The following ANO10 variants were observed in gnomAD, a reference collection of about 807,000 sequenced individuals.
ANO10 encodes anoctamin-10.
In ANO10, 77 loss-of-function variants were observed where a neutral mutation model predicts 74.7. The ratio of observed to expected loss-of-function variants is 1.03; its 90% confidence interval spans 0.86 to 1.25. ANO10 has a LOEUF of 1.25. ANO10 is among the 50% of genes most tolerant of loss of function. The pLI is 0.00. For missense variants in ANO10, 721 were observed against 778.1 expected (o/e 0.93, Z 0.87); for synonymous variants, 279 against 284.9 (o/e 0.98, Z 0.21).
chr3:43,556,233 C>T (rs1333629987), intron 9 of ANO10, among the ~76,000 whole-genome samples: 1 of 152,086 alleles, frequency 6.6e-6, no homozygotes, highest in Non-Finnish European at 1.5e-5. Context: ...CCATTTTTAC[C>T]ACATTCAGTC....
intron 9 of ANO10, among the ~76,000 whole-genome samples, chr3:43,560,270 A>G (rs536670467): frequency 6.6e-6 from 1 of 152,336 alleles, no homozygotes; most frequent in South Asian, 2.1e-4. Context: ...TCTGGGCTAC[A>G]AACACCTGGT....
At chr3:43,666,587 C>T (rs576852326) in intron 1 of ANO10, among the ~76,000 whole-genome samples, 15 of 152,224 alleles carry the variant, frequency 9.9e-5, no homozygotes, top group African/African-American at 3.6e-4. Context: ...ATCTATCAAT[C>T]AATCATAGAT....
At chr3:43,374,481 C>T (rs764001285) in intron 12 of ANO10, among the ~76,000 whole-genome samples, 5 of 152,182 alleles carry the variant, frequency 3.3e-5, no homozygotes, top group Non-Finnish European at 5.9e-5. Context: ...GAGCCCAGGC[C>T]GTCTGGCTCC....
intron 12 of ANO10, among the ~76,000 whole-genome samples, chr3:43,430,619 C>T (rs2092966447): frequency 6.6e-6 from 1 of 152,058 alleles, no homozygotes; most frequent in Non-Finnish European, 1.5e-5. Context: ...CATTTATGGA[C>T]TCAATGCTCT....
At chr3:43,371,161 C>A (rs570970447) in intron 12 of ANO10, among the ~76,000 whole-genome samples, 1 of 152,140 alleles carries the variant, frequency 6.6e-6, no homozygotes, top group Non-Finnish European at 1.5e-5. Context: ...CCCCTTCTCA[C>A]CCCTGCCCCC....
chr3:43,476,434 A>G (rs1037150890), intron 11 of ANO10, among the ~76,000 whole-genome samples: 3 of 152,088 alleles, frequency 2.0e-5, no homozygotes, highest in African/African-American at 2.4e-5. Context: ...CATTTGTTAA[A>G]TTCATTTCTC....
intron 1 of ANO10, among the ~76,000 whole-genome samples, chr3:43,681,094 T>C (rs1222469389): frequency 6.6e-6 from 1 of 152,108 alleles, no homozygotes; most frequent in Non-Finnish European, 1.5e-5. Flanking sequence ...ACCTTAAATG[T>C]AAATGGGCTA....
At chr3:43,448,180 T>C (rs2093276769) in intron 11 of ANO10, among the ~76,000 whole-genome samples, 1 of 152,136 alleles carries the variant, frequency 6.6e-6, no homozygotes, top group South Asian at 2.1e-4. Context: ...TCCGGAAGCA[T>C]GAAAAATAAA....
At chr3:43,589,175 C>G (rs1440269961) in intron 4 of ANO10, among the ~76,000 whole-genome samples, 1 of 151,864 alleles carries the variant, frequency 6.6e-6, no homozygotes, top group Admixed American at 6.6e-5. Flanking sequence ...ATTAGGAATT[C>G]TATTAACATC....
chr3:43,374,149 A>G (rs1458708823), intron 12 of ANO10, among the ~76,000 whole-genome samples: 1 of 152,100 alleles, frequency 6.6e-6, no homozygotes, highest in Non-Finnish European at 1.5e-5. Flanking sequence ...TATGCTTCCT[A>G]GGGTTCCCTG....
intron 11 of ANO10, among the ~76,000 whole-genome samples, chr3:43,505,926 T>C (rs1295103280): frequency 6.6e-6 from 1 of 152,180 alleles, no homozygotes; most frequent in African/African-American, 2.4e-5. Flanking sequence ...GTGCCTTGTT[T>C]CTCGGAACAG....
At chr3:43,375,584 T>C (rs2091773083) in intron 12 of ANO10, among the ~76,000 whole-genome samples, 1 of 152,104 alleles carries the variant, frequency 6.6e-6, no homozygotes, top group Non-Finnish European at 1.5e-5. Context: ...TCACAAACGC[T>C]AGAGCAGCTG....
chr3:43,405,285 G>C (rs750633679), intron 12 of ANO10, among the ~76,000 whole-genome samples: 6 of 152,190 alleles, frequency 3.9e-5, no homozygotes, highest in Non-Finnish European at 8.8e-5. Flanking sequence ...TCTGGGGCAA[G>C]AGGGTGTTAC....
At chr3:43,594,040 C>G (rs1052146817) in intron 4 of ANO10, among the ~76,000 whole-genome samples, 1 of 152,198 alleles carries the variant, frequency 6.6e-6, no homozygotes, top group South Asian at 2.1e-4. Context: ...GTAAAGGGAT[C>G]AATTCAACAA....
intron 12 of ANO10, among the ~76,000 whole-genome samples, chr3:43,383,499 G>T (rs574803373): frequency 6.6e-6 from 1 of 151,336 alleles, no homozygotes; most frequent in Non-Finnish European, 1.5e-5. Context: ...GATCAAGTGG[G>T]TTCCATACCA....
chr3:43,628,035 C>T (rs1255289990), intron 1 of ANO10, among the ~76,000 whole-genome samples: 1 of 152,016 alleles, frequency 6.6e-6, no homozygotes, highest in Non-Finnish European at 1.5e-5. Context: ...TACAGGTGTG[C>T]ATAGTAGTTG....
chr3:43,373,356 A>G (rs2091685450), intron 12 of ANO10, among the ~76,000 whole-genome samples: 1 of 152,144 alleles, frequency 6.6e-6, no homozygotes, highest in Non-Finnish European at 1.5e-5. Context: ...TCCCAGCTAG[A>G]AACAAAGACT....
At chr3:43,665,699 A>T (rs1296140069) in intron 1 of ANO10, among the ~76,000 whole-genome samples, 1 of 152,180 alleles carries the variant, frequency 6.6e-6, no homozygotes, top group African/African-American at 2.4e-5. Flanking sequence ...CAATATGAGT[A>T]ATTCGCAAAA....
chr3:43,532,898 G>A (rs988179934), intron 11 of ANO10, among the ~76,000 whole-genome samples: 1 of 152,168 alleles, frequency 6.6e-6, no homozygotes, highest in Non-Finnish European at 1.5e-5. Context: ...CACATGCCCT[G>A]TTCTAAAGGC....
Sources: gnomAD v4.1 joint callset for allele counts (sites outside exome capture counted in the v4.1 genomes callset) on GRCh38, gnomAD v4.1.1 for gene constraint, MANE v1.5 for transcripts, NCBI Gene and HGNC (gene_info 2026-07-23, HGNC 2026-07-21) for gene names.